CSNK1G3: variants seen among roughly 807,000 people sequenced by gnomAD.
CSNK1G3 encodes the protein casein kinase 1 gamma 3, also known as casein kinase I isoform gamma-3.
Under a neutral mutation model 64.3 loss-of-function variants are expected in CSNK1G3, and 23 were observed. The ratio of observed to expected loss-of-function variants is 0.36; its 90% CI spans 0.26 to 0.51. The LOEUF (loss-of-function observed/expected upper bound fraction) is 0.51. CSNK1G3 is among the 20% of genes least tolerant of loss of function. CSNK1G3 has a pLI of 0.96. For synonymous variants in CSNK1G3, 158 were observed against 162.2 expected (o/e 0.97, Z 0.20); for missense variants, 357 against 510.5 (o/e 0.70, Z 2.90).
Position 123,602,040 on chromosome 5 carries a change from C to CAG in CSNK1G3, c.1087-2670_1087-2669dup, listed in dbSNP as rs369230523. On this transcript the variant is annotated intron_variant, in intron 10 of 12. Transcript: ENST00000345990. ...AAAAATAATTATTTTTAAATGTTTT[C>CAG]AGAGAGAGAGAGAGAAAAATAAAGA... is the stretch of plus-strand genomic sequence containing the variant. Among the ~76,000 whole-genome samples, 888 of 151,230 alleles carry CAG rather than the reference C, an allele frequency of 5.9e-3. 7 individuals are homozygous for CAG. Among genetic ancestry groups the CAG allele is most frequent in the African/African-American group, 0.018 (742 of 41,210 alleles).
chr5:123,579,443 G>A (rs1283669755), intron 6 of CSNK1G3, among the ~76,000 whole-genome samples: 1 of 151,524 alleles, frequency 6.6e-6, no homozygotes, highest in Non-Finnish European at 1.5e-5. Flanking sequence ...CAACTTTTGG[G>A]GTTGTGACTT....
chr5:123,517,204 T>C (rs189401647), intron 1 of CSNK1G3, among the ~76,000 whole-genome samples: 3 of 152,332 alleles, frequency 2.0e-5, no homozygotes, highest in Non-Finnish European at 4.4e-5. Flanking sequence ...GATTAAATGA[T>C]AGTCTTCATT....
At chr5:123,571,275 GTTTGT>G (rs916862830) in intron 4 of CSNK1G3, among the ~76,000 whole-genome samples, 1 of 151,938 alleles carries the variant, frequency 6.6e-6, no homozygotes, top group Non-Finnish European at 1.5e-5. Flanking sequence ...TTTTTTGTTT[GTTTGT>G]TTTGTTTTGT....
Position 123,555,428 on chromosome 5 carries a change from C to G in CSNK1G3, c.220-2067C>G, listed in dbSNP as rs555967970. ...TTTAGACCTGCCATAAAAGTAATCA[C>G]TTGAACATCTTATGTCTGCATACCT... On this transcript the variant is annotated intron_variant, in intron 3 of 12. Transcript: ENST00000345990. 3.4e-4 allele frequency among the ~76,000 whole-genome samples: 52 copies of G among 152,292 alleles called. 1 individual carries two copies. The South Asian group carries it at 0.011, about 31-fold the overall frequency.
rs942904911 is a variant in CSNK1G3, at chr5:123,590,316, G to A, written c.845-97G>A. 1.7e-5 allele frequency: 9 copies of A among 523,016 alleles called. No homozygotes were observed. In the South Asian group the frequency reaches 2.1e-4, roughly 12 times the overall value. The allele number at this position is 523,016 out of a possible 1,614,324, so 32.4% of individuals were successfully genotyped here. The stretch of plus-strand genomic sequence containing the variant: ...AATGTAATTTTGTTACTTTTCAAGT[G>A]TTTTTATATAATACAATGTGCTTTT... On this transcript the variant is annotated intron_variant, in intron 8 of 12. Coordinates refer to ENST00000345990, the Ensembl canonical transcript of CSNK1G3.
At chr5:123,569,801 G>T (rs1787711960) in intron 4 of CSNK1G3, among the ~76,000 whole-genome samples, 2 of 151,264 alleles carry the variant, frequency 1.3e-5, no homozygotes, top group African/African-American at 4.9e-5. Flanking sequence ...AAAGTTAAAA[G>T]TTCTCTTGCT....
intron 9 of CSNK1G3, 45 bp downstream of exon 9, chr5:123,590,603 CTTT>C: frequency 8.4e-7 from 1 of 1,186,106 alleles, no homozygotes; most frequent in Non-Finnish European, 1.2e-6. Context: ...TATCTGTTGC[CTTT>C]TTAATAGTAC....
At chr5:123,569,358 C>A (rs1428207378) in intron 4 of CSNK1G3, among the ~76,000 whole-genome samples, 1 of 152,146 alleles carries the variant, frequency 6.6e-6, no homozygotes, top group Non-Finnish European at 1.5e-5. Flanking sequence ...CAAAATTTGA[C>A]AAGTGGTCAT....
At chr5:123,554,761 GTC>G (rs1301378759) in intron 3 of CSNK1G3, among the ~76,000 whole-genome samples, 8 of 152,228 alleles carry the variant, frequency 5.3e-5, no homozygotes, top group Non-Finnish European at 1.0e-4. Context: ...AGTGTTTACA[GTC>G]TGTGCTATTG....
chr5:123,554,282 G>C (rs1784210276), intron 3 of CSNK1G3, among the ~76,000 whole-genome samples: 1 of 152,110 alleles, frequency 6.6e-6, no homozygotes, highest in Non-Finnish European at 1.5e-5. Context: ...TTAAGATCTG[G>C]TCCTTGGCTT....
intron 2 of CSNK1G3, among the ~76,000 whole-genome samples, chr5:123,550,921 A>C (rs1016075438): frequency 6.6e-6 from 1 of 152,188 alleles, no homozygotes; most frequent in African/African-American, 2.4e-5. Flanking sequence ...TGTGACTTCA[A>C]GTTTCAGCAA....
intron 10 of CSNK1G3, among the ~76,000 whole-genome samples, chr5:123,603,925 A>G (rs918973071): frequency 6.6e-6 from 1 of 152,122 alleles, no homozygotes; most frequent in African/African-American, 2.4e-5. Flanking sequence ...GGAAGCCAAC[A>G]GTTGGAGAGT....
At chr5:123,551,521 C>CT (rs1783646802) in intron 2 of CSNK1G3, among the ~76,000 whole-genome samples, 1 of 152,070 alleles carries the variant, frequency 6.6e-6, no homozygotes, top group Non-Finnish European at 1.5e-5. Context: ...ATGAATACTT[C>CT]TTTTTTGCCC....
intron 7 of CSNK1G3, 21 bp downstream of exon 7, chr5:123,588,174 T>C (rs773046445): frequency 6.7e-7 from 1 of 1,494,412 alleles, no homozygotes; most frequent in Non-Finnish European, 9.3e-7. Context: ...TTGTGTTTCT[T>C]TATTGAATTT....
chr5:123,520,955 A>G (rs1777993224), intron 1 of CSNK1G3, among the ~76,000 whole-genome samples: 1 of 152,094 alleles, frequency 6.6e-6, no homozygotes. Flanking sequence ...AGCAATGAAT[A>G]CTTTCAAGTG....
At chr5:123,604,946 A>G in intron 11 of CSNK1G3, 116 bp downstream of exon 12, 1 of 699,428 alleles carries the variant, frequency 1.4e-6, no homozygotes, top group South Asian at 1.9e-5. Context: ...AGGTGCATGC[A>G]AAACAAGTGG....
chr5:123,561,135 C>T (rs114823465), intron 4 of CSNK1G3, among the ~76,000 whole-genome samples: 1,797 of 152,254 alleles, frequency 0.012, 42 homozygotes, highest in African/African-American at 0.04. Context: ...GACAATATCC[C>T]TCTTTACATT....
At chr5:123,569,789 GA>G (rs1279128059) in intron 4 of CSNK1G3, among the ~76,000 whole-genome samples, 25 of 95,730 alleles carry the variant, frequency 2.6e-4, no homozygotes, top group Non-Finnish European at 3.7e-4. Context: ...CTCTTGAATA[GA>G]AAAGTTAAAA....
At chr5:123,608,933 T>A (rs1320186885) in intron 12 of CSNK1G3, among the ~76,000 whole-genome samples, 1 of 152,168 alleles carries the variant, frequency 6.6e-6, no homozygotes, top group Admixed American at 6.6e-5. Flanking sequence ...AAATGGAGTA[T>A]GTCCTCCTAG....
Sources: gnomAD v4.1 joint callset for allele counts (sites outside exome capture counted in the v4.1 genomes callset) on GRCh38, gnomAD v4.1.1 for gene constraint, MANE v1.5 for transcripts, NCBI Gene and HGNC (gene_info 2026-07-23, HGNC 2026-07-21) for gene names.